The following PCDH15 variants were observed in gnomAD, a reference collection of about 807,000 sequenced individuals.
The protein encoded by PCDH15 is protocadherin-15.
A neutral mutation model predicts 178.5 loss-of-function variants in PCDH15; 129 were observed. That is an observed-to-expected ratio of 0.72 (90% CI 0.63 to 0.84). The LOEUF (loss-of-function observed/expected upper bound fraction) is 0.84, where lower values mean the gene tolerates loss of function less well. Among genes scored for constraint, PCDH15 ranks in the 40% least tolerant of loss-of-function variants. The probability of loss-of-function intolerance (pLI) is 0.00; values close to 1 mark genes in which losing one functional copy is unlikely to be tolerated. For synonymous variants in PCDH15, 800 were observed against 732.0 expected, an observed-to-expected ratio of 1.09 and a Z score of -1.50; for missense variants, 2,230 against 2,099.9, an observed-to-expected ratio of 1.06 and a Z score of -1.21.
At position 53,804,217 on chromosome 10, in the gene PCDH15, T is replaced by G. The variant is rs1013651597; in HGVS notation, c.*2362A>C. The stretch of plus-strand genomic sequence containing the variant: ...ACAGATGATTGACCTCATGATTGTT[T>G]TTACTGAAATGATCAAGTTTAAATT... On this transcript the variant is annotated 3_prime_UTR_variant, in exon 38 of 38. Coordinates refer to ENST00000644397, the MANE Select transcript of PCDH15 (RefSeq NM_001384140.1). 6.6e-6 allele frequency: 1 copy of G among 151,980 alleles called. No homozygotes were observed. Among genetic ancestry groups the G allele is most frequent in the African/African-American group, 2.4e-5 (1 of 41,418 alleles). The allele number at this position is 151,980 out of a possible 1,614,324, so 9.4% of individuals were successfully genotyped here. A position where few individuals can be genotyped will look rare whatever the true frequency, so the allele number is the denominator to read the frequency against.
chr10:54,865,910 G>GT, intron 3 of PCDH15, among the ~76,000 whole-genome samples: 1 of 152,094 alleles, frequency 6.6e-6, no homozygotes, highest in Non-Finnish European at 1.5e-5. Flanking sequence ...CAGTGATCAA[G>GT]GATAAAGAAT....
intron 18 of PCDH15, among the ~76,000 whole-genome samples, chr10:54,051,942 G>A (rs1402403057): frequency 6.6e-6 from 1 of 152,188 alleles, no homozygotes; most frequent in Non-Finnish European, 1.5e-5. Context: ...AGGTCCAGGT[G>A]TTGCTTCAGA....
At chr10:53,979,070 A>G (rs2610893) in intron 21 of PCDH15, among the ~76,000 whole-genome samples, 123,460 of 152,132 alleles carry the variant, frequency 0.81, 50,829 homozygotes, top group East Asian at 0.95. Context: ...ACATTTTCAG[A>G]TGCCTTTACA....
intron 1 of PCDH15, among the ~76,000 whole-genome samples, chr10:55,230,877 T>C (rs1317292742): frequency 6.6e-6 from 1 of 151,910 alleles, no homozygotes; most frequent in Non-Finnish European, 1.5e-5. Context: ...AAGCTGAGAT[T>C]GAAGGGGTTG....
At chr10:54,624,131 A>C (rs1348885748) in intron 2 of PCDH15, among the ~76,000 whole-genome samples, 1 of 152,172 alleles carries the variant, frequency 6.6e-6, no homozygotes, top group Non-Finnish European at 1.5e-5. Context: ...AATTAGTTTT[A>C]TAATATTGTT....
At chr10:55,550,593 C>T (rs895888565) in intron 2 of PCDH15, among the ~76,000 whole-genome samples, 1 of 152,094 alleles carries the variant, frequency 6.6e-6, no homozygotes, top group Non-Finnish European at 1.5e-5. Flanking sequence ...TTTAAATAGA[C>T]TTACTATTAT....
Position 53,804,047 on chromosome 10 carries a change from A to G in PCDH15, c.*2532T>C, listed in dbSNP as rs529639974. On this transcript the variant is annotated 3_prime_UTR_variant, in exon 38 of 38. Coordinates refer to ENST00000644397, the MANE Select transcript of PCDH15 (RefSeq NM_001384140.1). ...GGATTTATAGACTAGTGAAAGTTCT[A>G]TGAAAGTAACTATTTAATTGATCCA... 2.6e-5 allele frequency: 4 copies of G among 152,124 alleles called. No individual in the cohort carries two copies. Among genetic ancestry groups the G allele is most frequent in the East Asian group, 3.9e-4 (2 of 5,178 alleles). The allele number at this position is 152,124 out of a possible 1,614,324, so 9.4% of individuals were successfully genotyped here.
chr10:53,969,192 C>T (rs997066051), intron 21 of PCDH15, among the ~76,000 whole-genome samples: 2 of 152,160 alleles, frequency 1.3e-5, no homozygotes, highest in Admixed American at 6.5e-5. Flanking sequence ...AACCATGGCA[C>T]GAGAACTATC....
intron 2 of PCDH15, among the ~76,000 whole-genome samples, chr10:55,342,847 A>G (rs1351625482): frequency 6.6e-6 from 1 of 152,148 alleles, no homozygotes; most frequent in Non-Finnish European, 1.5e-5. Context: ...TTGTTTTATA[A>G]GCATCAGGGA....
chr10:54,076,683 CAAAG>C (rs2135924528), intron 17 of PCDH15, among the ~76,000 whole-genome samples: 1 of 151,974 alleles, frequency 6.6e-6, no homozygotes, highest in East Asian at 1.9e-4. Context: ...CAATCATTAA[CAAAG>C]AAAATTTAGA....
At chr10:53,968,115 T>C (rs2089247000) in intron 21 of PCDH15, among the ~76,000 whole-genome samples, 1 of 152,172 alleles carries the variant, frequency 6.6e-6, no homozygotes, top group Admixed American at 6.5e-5. Flanking sequence ...AGGGAAGCCA[T>C]GACAGATGGT....
chr10:54,163,166 T>C (rs1455925072), intron 13 of PCDH15, among the ~76,000 whole-genome samples: 1 of 152,132 alleles, frequency 6.6e-6, no homozygotes, highest in African/African-American at 2.4e-5. Flanking sequence ...AAACAATACT[T>C]CTGTATGCAC....
At chr10:55,437,371 G>C (rs1427824293) in intron 2 of PCDH15, among the ~76,000 whole-genome samples, 2 of 152,132 alleles carry the variant, frequency 1.3e-5, no homozygotes, top group Non-Finnish European at 2.9e-5. Flanking sequence ...CCACACCTAA[G>C]TGAAACATTT....
intron 2 of PCDH15, chr10:54,655,412 GGTGTGTGTGTGGTGGGGTGTGT>G (rs1239415323): frequency 1.4e-5 from 2 of 147,568 alleles, no homozygotes; most frequent in Non-Finnish European, 3.0e-5. Context: ...TTGGGTAAGG[GGTGTGTGTGTGGTGGGGTGTGT>G]GTGTGTGTGT....
At chr10:55,574,679 G>T (rs1399772715) in intron 2 of PCDH15, among the ~76,000 whole-genome samples, 5 of 151,954 alleles carry the variant, frequency 3.3e-5, no homozygotes, top group Non-Finnish European at 7.4e-5. Context: ...TACTTTTAAT[G>T]AGAAAAGAAA....
chr10:54,206,886 T>C (rs1384030317), intron 10 of PCDH15, among the ~76,000 whole-genome samples: 4 of 152,070 alleles, frequency 2.6e-5, no homozygotes, highest in African/African-American at 9.7e-5. Context: ...TGTGTGGGGA[T>C]TGCAGAGTGG....
chr10:53,955,436 G>A (rs1490061526), intron 23 of PCDH15, among the ~76,000 whole-genome samples: 3 of 151,914 alleles, frequency 2.0e-5, no homozygotes, highest in Non-Finnish European at 4.4e-5. Flanking sequence ...GGGACGTATG[G>A]GTCAATAATT....
chr10:54,451,370 A>G (rs1000442778), intron 3 of PCDH15, among the ~76,000 whole-genome samples: 1 of 151,976 alleles, frequency 6.6e-6, no homozygotes, highest in South Asian at 2.1e-4. Flanking sequence ...GTTTATAAAT[A>G]CAGAATACAG....
At chr10:54,040,854 C>G (rs548508156) in intron 18 of PCDH15, among the ~76,000 whole-genome samples, 3 of 152,100 alleles carry the variant, frequency 2.0e-5, no homozygotes, top group Admixed American at 6.6e-5. Context: ...TGGCAAGCTT[C>G]ATAAATGATG....
Sources: allele counts gnomAD v4.1 joint callset (sites outside exome capture counted in the v4.1 genomes callset), GRCh38; gene constraint gnomAD v4.1.1; transcripts MANE v1.5; gene names NCBI Gene and HGNC (gene_info 2026-07-23, HGNC 2026-07-21).